PSD3: variants seen among roughly 807,000 people sequenced by gnomAD.
PSD3 encodes PH and SEC7 domain-containing protein 3.
Under a neutral mutation model 105.5 loss-of-function variants are expected in PSD3, and 49 were observed. That is an observed-to-expected ratio of 0.46 (90% CI 0.37 to 0.59). The LOEUF is 0.59. Among genes scored for constraint, PSD3 ranks in the 20% least tolerant of loss-of-function variants. The pLI is 0.00. For synonymous variants in PSD3, 557 were observed against 457.8 expected (o/e 1.22, Z -2.77); for missense variants, 1,561 against 1,263.8 (o/e 1.24, Z -3.57).
intron 11 of PSD3, among the ~76,000 whole-genome samples, chr8:18,622,319 C>A (rs538908721): frequency 6.6e-6 from 1 of 152,050 alleles, no homozygotes; most frequent in Non-Finnish European, 1.5e-5. Context: ...TCCCATTTTA[C>A]AAAAAAACCT....
chr8:18,863,991 G>A (rs1816642643), intron 4 of PSD3, among the ~76,000 whole-genome samples: 1 of 151,742 alleles, frequency 6.6e-6, no homozygotes, highest in South Asian at 2.1e-4. Flanking sequence ...ATTCAGCCGA[G>A]AACAGTGTCA....
chr8:18,727,334 CAAAAAAAAA>C (rs11300334), intron 9 of PSD3, among the ~76,000 whole-genome samples: 1 of 55,806 alleles, frequency 1.8e-5, no homozygotes, highest in Admixed American at 2.6e-4. Flanking sequence ...GACTGTGTCT[CAAAAAAAAA>C]AAAAAAAAAA....
chr8:18,693,963 G>C lies in PSD3; in HGVS notation c.2173-38278C>G, dbSNP rs949925865. 2.6e-5 allele frequency among the ~76,000 whole-genome samples: 4 copies of C among 152,328 alleles called. No homozygotes were observed. In the East Asian group the frequency reaches 7.7e-4, roughly 29 times the overall value. Reference sequence around the variant, plus strand: ...CATTAGCATGGCATCTGATAGGTAAGTAGTGATGATGGGTAGTAACACTGG... The same window carrying C: ...CATTAGCATGGCATCTGATAGGTAACTAGTGATGATGGGTAGTAACACTGG... On this transcript the variant is annotated intron_variant, in intron 9 of 15. Coordinates refer to ENST00000327040, the MANE Select transcript of PSD3 (RefSeq NM_015310.4).
At chr8:18,614,377 T>C (rs1805498077) in intron 11 of PSD3, among the ~76,000 whole-genome samples, 1 of 128,848 alleles carries the variant, frequency 7.8e-6, no homozygotes, top group African/African-American at 3.0e-5. Flanking sequence ...TAAACTAGCA[T>C]GTAGATGGCA....
At chr8:18,538,718 A>G (rs1799973189) in intron 15 of PSD3, among the ~76,000 whole-genome samples, 1 of 152,224 alleles carries the variant, frequency 6.6e-6, no homozygotes, top group African/African-American at 2.4e-5. Flanking sequence ...CTTTGAATAA[A>G]GTGATACTAC....
At chr8:18,731,352 G>C (rs988440059) in intron 9 of PSD3, among the ~76,000 whole-genome samples, 1 of 152,170 alleles carries the variant, frequency 6.6e-6, no homozygotes, top group African/African-American at 2.4e-5. Context: ...AAAAAATAAA[G>C]ACCAGAAGGA....
intron 14 of PSD3, among the ~76,000 whole-genome samples, chr8:18,570,843 C>CTACTATTATTATTATTATTATTAT (rs1554514105): frequency 8.5e-6 from 1 of 117,418 alleles, no homozygotes; most frequent in African/African-American, 2.7e-5. Flanking sequence ...CTGCTTAAAA[C>CTACTATTATTATTATTATTATTAT]TATTATTATT....
intron 2 of PSD3, among the ~76,000 whole-genome samples, chr8:18,915,019 G>C (rs1364953474): frequency 6.6e-6 from 1 of 151,292 alleles, no homozygotes; most frequent in Non-Finnish European, 1.5e-5. Flanking sequence ...CAATGGAACA[G>C]AATAGGAAGC....
chr8:18,707,714 A>G (rs1210891909), intron 9 of PSD3, among the ~76,000 whole-genome samples: 2 of 152,218 alleles, frequency 1.3e-5, no homozygotes, highest in African/African-American at 4.8e-5. Context: ...GCTCATTATA[A>G]TAAAATAAGG....
intron 9 of PSD3, among the ~76,000 whole-genome samples, chr8:18,734,909 C>T (rs186934456): frequency 3.3e-5 from 5 of 152,280 alleles, no homozygotes; most frequent in East Asian, 1.9e-4. Flanking sequence ...GAATTAAAAA[C>T]GAACAGTCCT....
intron 4 of PSD3, among the ~76,000 whole-genome samples, chr8:18,822,629 G>A (rs145102649): frequency 5.3e-4 from 81 of 152,246 alleles, no homozygotes; most frequent in African/African-American, 1.9e-3. Flanking sequence ...AATGACATAA[G>A]CTATCAGTGT....
intron 14 of PSD3, among the ~76,000 whole-genome samples, chr8:18,558,176 T>C (rs1185124015): frequency 6.6e-6 from 1 of 152,238 alleles, no homozygotes; most frequent in African/African-American, 2.4e-5. Context: ...TAGTGTTTTG[T>C]TATGGCAGCC....
At chr8:18,615,936 C>G (rs901018347) in intron 11 of PSD3, among the ~76,000 whole-genome samples, 3 of 152,226 alleles carry the variant, frequency 2.0e-5, no homozygotes, top group Non-Finnish European at 2.9e-5. Flanking sequence ...TAAAATGCCT[C>G]CGGGCAAAAA....
chr8:18,975,848 G>A (rs1483021882), intron 1 of PSD3, among the ~76,000 whole-genome samples: 1 of 152,088 alleles, frequency 6.6e-6, no homozygotes, highest in Non-Finnish European at 1.5e-5. Flanking sequence ...TTGGCCAAGA[G>A]TTTTAAAAAT....
chr8:18,859,060 C>CA (rs1367353735), intron 4 of PSD3, among the ~76,000 whole-genome samples: 1 of 151,984 alleles, frequency 6.6e-6, no homozygotes. Context: ...ATATTCCTTC[C>CA]AAAAAAGCTC....
chr8:18,871,355 G>T (rs1269875962), intron 3 of PSD3, among the ~76,000 whole-genome samples: 1 of 152,174 alleles, frequency 6.6e-6, no homozygotes, highest in African/African-American at 2.4e-5. Context: ...TGTCAGAAAA[G>T]AATTCACAGT....
chr8:18,540,689 C>T (rs956076961), intron 15 of PSD3, among the ~76,000 whole-genome samples: 6 of 152,168 alleles, frequency 3.9e-5, no homozygotes, highest in African/African-American at 1.4e-4. Flanking sequence ...TCCCTGTTCC[C>T]TCCTTGCCCT....
intron 4 of PSD3, chr8:18,808,931 T>A: frequency 6.8e-7 from 1 of 1,476,138 alleles, no homozygotes; most frequent in Non-Finnish European, 9.0e-7. Context: ...TGACCTCACA[T>A]TCTCAGCCGA....
intron 12 of PSD3, among the ~76,000 whole-genome samples, chr8:18,581,482 C>G (rs1190578058): frequency 6.6e-6 from 1 of 152,154 alleles, no homozygotes; most frequent in Non-Finnish European, 1.5e-5. Context: ...TATGCCAGAT[C>G]ATGACTGATA....
Sources: gnomAD v4.1 joint callset for allele counts (sites outside exome capture counted in the v4.1 genomes callset) on GRCh38, gnomAD v4.1.1 for gene constraint, MANE v1.5 for transcripts, NCBI Gene and HGNC (gene_info 2026-07-23, HGNC 2026-07-21) for gene names.